Variants in RIMBP2 observed in about 807,000 individuals in gnomAD.
RIMBP2 encodes RIMS-binding protein 2.
A neutral mutation model predicts 118.6 loss-of-function variants in RIMBP2; 48 were observed. The observed-to-expected ratio is 0.40, with a 90% CI of 0.32 to 0.51. RIMBP2 has a LOEUF of 0.51. Among genes scored for constraint, RIMBP2 ranks in the 20% least tolerant of loss-of-function variants. The pLI is 0.41. For synonymous variants in RIMBP2, 762 were observed against 742.9 expected (o/e 1.03, Z -0.42); for missense variants, 1,551 against 1,768.3 (o/e 0.88, Z 2.20).
chr12:130,580,522 T>C (rs1025495549), intron 2 of RIMBP2, among the ~76,000 whole-genome samples: 3 of 152,238 alleles, frequency 2.0e-5, no homozygotes, highest in African/African-American at 7.2e-5. Context: ...CCTCTTTCCT[T>C]TGTAAGTTAC....
At chr12:130,439,905 A>C (rs1291925201) in intron 11 of RIMBP2, among the ~76,000 whole-genome samples, 1 of 122,722 alleles carries the variant, frequency 8.1e-6, no homozygotes, top group Non-Finnish European at 1.8e-5. Flanking sequence ...GTATCTGTCT[A>C]TGTGAGTCTG....
At chr12:130,687,124 C>G (rs1225441610) in intron 1 of RIMBP2, among the ~76,000 whole-genome samples, 1 of 152,164 alleles carries the variant, frequency 6.6e-6, no homozygotes, top group Non-Finnish European at 1.5e-5. Context: ...CCAGATCCTG[C>G]TGCTAAAACC....
At chr12:130,558,422 C>T (rs1472120970) in intron 2 of RIMBP2, among the ~76,000 whole-genome samples, 1 of 152,122 alleles carries the variant, frequency 6.6e-6, no homozygotes, top group Non-Finnish European at 1.5e-5. Context: ...CTGGGCTTTG[C>T]ACTTCCTGAG....
chr12:130,485,412 C>T (rs574130835), intron 4 of RIMBP2, among the ~76,000 whole-genome samples: 4 of 152,362 alleles, frequency 2.6e-5, no homozygotes, highest in South Asian at 2.1e-4. Context: ...AGTCTGCTCC[C>T]GGCCACTGCC....
At position 130,450,176 on chromosome 12, in the gene RIMBP2, T is replaced by G; in HGVS notation, c.581+24A>C. ...ATCTGCCCCACTCACAGGGGCTCGG[T>G]GGACGCCGAGGGGCCGCACTTACCT... On this transcript the variant is annotated intron_variant, in intron 9 of 22. Transcript: ENST00000690449. The surrounding 1 kb of genome is among the most constrained non-coding windows in gnomAD (Gnocchi z 4.8). 2.6e-6 allele frequency: 4 copies of G among 1,556,272 alleles called. No homozygotes were observed. In the South Asian group the frequency reaches 3.5e-5, roughly 13 times the overall value.
intron 1 of RIMBP2, among the ~76,000 whole-genome samples, chr12:130,687,096 C>CT (rs1350031418): frequency 6.6e-6 from 1 of 152,120 alleles, no homozygotes; most frequent in Non-Finnish European, 1.5e-5. Flanking sequence ...GTCATTATAG[C>CT]TTTTTTCAGG....
At chr12:130,560,330 G>A (rs369329307) in intron 2 of RIMBP2, among the ~76,000 whole-genome samples, 4 of 151,986 alleles carry the variant, frequency 2.6e-5, no homozygotes, top group Non-Finnish European at 5.9e-5. Flanking sequence ...CGGGGGTCTC[G>A]GTTCCAGGGT....
intron 1 of RIMBP2, among the ~76,000 whole-genome samples, chr12:130,715,858 C>T (rs1382718146): frequency 6.6e-6 from 1 of 151,444 alleles, no homozygotes; most frequent in Non-Finnish European, 1.5e-5. Flanking sequence ...CCGTGTCCAT[C>T]GGGTGCCAAA....
In RIMBP2 at chr12:130,620,097, G is replaced by C. The variant is rs958170144; in HGVS notation, c.-217+8225C>G. On this transcript the variant is annotated intron_variant, in intron 2 of 22. Transcript: ENST00000690449. This position sits in a 1 kb window ranked among gnomAD's most constrained non-coding sequence, Gnocchi z 5.3. ...GGTTGAAAAGGGCCTCCGAGGCAGT[G>C]GCTCACTCTTCTGGCCAGAGCTTCC... Among the ~76,000 whole-genome samples the C allele has an allele frequency of 6.6e-6, 1 of 152,202 alleles. No homozygotes were observed. Among genetic ancestry groups the C allele is most frequent in the Non-Finnish European group, 1.5e-5 (1 of 68,034 alleles).
At chr12:130,439,165 G>C (rs1300983956) in intron 11 of RIMBP2, among the ~76,000 whole-genome samples, 1 of 149,806 alleles carries the variant, frequency 6.7e-6, no homozygotes, top group East Asian at 2.0e-4. Flanking sequence ...GTGTGTAAAT[G>C]TGTATGTATG....
chr12:130,664,421 G>GCACA (rs1183862189), intron 1 of RIMBP2, among the ~76,000 whole-genome samples: 1 of 80,818 alleles, frequency 1.2e-5, no homozygotes, highest in East Asian at 3.2e-4. Context: ...GCACACACAC[G>GCACA]CACACACATG....
intron 1 of RIMBP2, among the ~76,000 whole-genome samples, chr12:130,711,899 G>A (rs1328354164): frequency 2.0e-5 from 3 of 152,258 alleles, no homozygotes; most frequent in Non-Finnish European, 2.9e-5. Context: ...GCCCTGGCTC[G>A]ATGGGCAAGC....
intron 2 of RIMBP2, among the ~76,000 whole-genome samples, chr12:130,531,991 G>A (rs1182080664): frequency 1.1e-5 from 1 of 90,538 alleles, no homozygotes. Context: ...TAGGAGGTAC[G>A]TCTAATGAGA....
At chr12:130,695,099 G>A (rs2065505406) in intron 1 of RIMBP2, among the ~76,000 whole-genome samples, 1 of 152,166 alleles carries the variant, frequency 6.6e-6, no homozygotes, top group African/African-American at 2.4e-5. Context: ...TACAGAAATA[G>A]GGAGCATTTC....
At chr12:130,712,571 A>G (rs1333378361) in intron 1 of RIMBP2, among the ~76,000 whole-genome samples, 3 of 152,210 alleles carry the variant, frequency 2.0e-5, no homozygotes, top group Admixed American at 1.3e-4. Flanking sequence ...CACGATGGCC[A>G]TGCCTGCTGT....
chr12:130,458,299 C>T (rs574307676), intron 6 of RIMBP2, among the ~76,000 whole-genome samples: 4 of 152,222 alleles, frequency 2.6e-5, no homozygotes, highest in African/African-American at 7.2e-5. Flanking sequence ...TTGGCCAAGC[C>T]GGCTGTGTCT....
rs2061235108 is a variant in RIMBP2 at position 130,620,442 on chromosome 12, T to C, written c.-217+7880A>G. On this transcript the variant is annotated intron_variant, in intron 2 of 22. Transcript: ENST00000690449. This position sits in a 1 kb window ranked among gnomAD's most constrained non-coding sequence, Gnocchi z 5.3. ...GTGGCCAGCACCAGGTTCTGCTGCG[T>C]GCAACCAGAGACCTCACGTTAGTTT... Among the ~76,000 whole-genome samples the C allele has an allele frequency of 6.6e-6, 1 of 152,146 alleles. No homozygotes were observed. The highest frequency in any genetic ancestry group is 6.5e-5 in the Admixed American group (1 of 15,270).
At chr12:130,437,325 C>G in intron 12 of RIMBP2, 34 bp from the exon 13 acceptor site, 2 of 1,528,942 alleles carry the variant, frequency 1.3e-6, no homozygotes, top group Non-Finnish European at 1.8e-6. Flanking sequence ...GCGGGCTGCC[C>G]GAGGTGAGCC....
intron 2 of RIMBP2, among the ~76,000 whole-genome samples, chr12:130,572,082 G>A (rs1167713558): frequency 6.6e-6 from 1 of 152,214 alleles, no homozygotes; most frequent in Non-Finnish European, 1.5e-5. Context: ...CAGGTGCTCT[G>A]AGAGCAGACT....
Sources: allele counts gnomAD v4.1 joint callset (sites outside exome capture counted in the v4.1 genomes callset), GRCh38; gene constraint gnomAD v4.1.1; non-coding constraint Gnocchi (gnomAD v3.1); transcripts MANE v1.5; gene names NCBI Gene and HGNC (gene_info 2026-07-23, HGNC 2026-07-21).